The following OLFM1 variants were observed in gnomAD, a reference collection of about 807,000 sequenced individuals.
The protein encoded by OLFM1 is olfactomedin 1.
In OLFM1, 9 loss-of-function variants were observed where a neutral mutation model predicts 49.7. The observed-to-expected ratio is 0.18, with a 90% CI of 0.11 to 0.32. The LOEUF (loss-of-function observed/expected upper bound fraction) is 0.32. Ranked by LOEUF, OLFM1 falls within the 10% of genes least tolerant of loss-of-function variation. The probability of loss-of-function intolerance (pLI) is 1.00; values close to 1 mark genes in which losing one functional copy is unlikely to be tolerated. For missense variants in OLFM1, 369 were observed against 661.8 expected (o/e 0.56, Z 4.85); for synonymous variants, 240 against 271.8 (o/e 0.88, Z 1.15).
In OLFM1 at chr9:135,079,289, G is replaced by A. The variant is rs2119084118; in HGVS notation, c.96+3487G>A. ...AGGAGGATATTTGATCTGGGTCCAG[G>A]CTTGCACCTGGGTCCACTAGTGAGC... On this transcript the variant is annotated intron_variant, in intron 1 of 5. Coordinates refer to the OLFM1 transcript ENST00000252854. 2.0e-5 allele frequency among the ~76,000 whole-genome samples: 3 copies of A among 152,284 alleles called. 1 individual carries two copies. The South Asian group carries it at 6.2e-4, about 32-fold the overall frequency.
At chr9:135,077,181 G>A (rs754867358) in intron 1 of OLFM1, 2 of 1,541,718 alleles carry the variant, frequency 1.3e-6, no homozygotes, top group Non-Finnish European at 1.8e-6. Flanking sequence ...CACACACAGG[G>A]GAGCAGATAC....
At chr9:135,111,613 C>G (rs1831024372) in intron 5 of OLFM1, among the ~76,000 whole-genome samples, 1 of 152,172 alleles carries the variant, frequency 6.6e-6, no homozygotes, top group Non-Finnish European at 1.5e-5. Context: ...TGTGGGGTCC[C>G]TGTGGGTGGC....
At chr9:135,112,528 T>C (rs1831037224) in intron 5 of OLFM1, among the ~76,000 whole-genome samples, 2 of 152,182 alleles carry the variant, frequency 1.3e-5, no homozygotes, top group African/African-American at 4.8e-5. Flanking sequence ...TTGATGGAGC[T>C]TGGGGCCCAG....
At chr9:135,116,856 A>G (rs1032010104) in intron 5 of OLFM1, among the ~76,000 whole-genome samples, 1 of 151,284 alleles carries the variant, frequency 6.6e-6, no homozygotes, top group Non-Finnish European at 1.5e-5. Context: ...TAAGGATAAT[A>G]GCCTCAAATG....
intron 5 of OLFM1, among the ~76,000 whole-genome samples, chr9:135,112,779 T>C (rs1247631580): frequency 6.6e-6 from 1 of 152,140 alleles, no homozygotes; most frequent in African/African-American, 2.4e-5. Flanking sequence ...GCTTGCCTTC[T>C]GCAGGGGCAC....
chr9:135,098,513 C>A lies in OLFM1; in HGVS notation c.676+8C>A. 6.2e-7 allele frequency: 1 copy of A among 1,609,740 alleles called. No homozygotes were observed. Among genetic ancestry groups the A allele is most frequent in the Non-Finnish European group, 8.5e-7 (1 of 1,176,758 alleles). ...CATGCATGCAAAAACTAGGTAGGCC[C>A]AGTACCCTGCGGGACGTGGCGCTGC... On this transcript the variant is annotated splice_region_variant and intron_variant, in intron 4 of 5. Coordinates refer to ENST00000371793, the MANE Select transcript of OLFM1 (RefSeq NM_001282611.2). The surrounding 1 kb of genome is among the most constrained non-coding windows in gnomAD (Gnocchi z 5.6).
intron 1 of OLFM1, among the ~76,000 whole-genome samples, chr9:135,089,221 T>A (rs570300456): frequency 4.8e-4 from 73 of 152,350 alleles, no homozygotes; most frequent in Non-Finnish European, 9.0e-4. Flanking sequence ...CCGGTCCCGA[T>A]CTTCTGGGGT....
intron 4 of OLFM1, among the ~76,000 whole-genome samples, chr9:135,103,711 T>A (rs4842220): frequency 6.6e-6 from 1 of 152,016 alleles, no homozygotes; most frequent in East Asian, 1.9e-4. Flanking sequence ...CCACGTCCAC[T>A]TGGGCTCGCC....
At chr9:135,096,440 G>A (rs934702946) in intron 3 of OLFM1, among the ~76,000 whole-genome samples, 1 of 151,946 alleles carries the variant, frequency 6.6e-6, no homozygotes, top group Non-Finnish European at 1.5e-5. Context: ...GAGAAGCATA[G>A]CAAAGGTTGT....
intron 2 of OLFM1, among the ~76,000 whole-genome samples, chr9:135,092,791 A>C (rs1830734007): frequency 6.6e-6 from 1 of 152,184 alleles, no homozygotes; most frequent in African/African-American, 2.4e-5. Flanking sequence ...TTGATACCAT[A>C]GCGGGCACTC....
In OLFM1 at chr9:135,092,356, A is replaced by G. The variant is rs532126521; in HGVS notation, c.300+2012A>G. Among the ~76,000 whole-genome samples the G allele has an allele frequency of 3.3e-5, 5 of 152,336 alleles. No individual in the cohort carries two copies. The South Asian group carries it at 1.0e-3, about 32-fold the overall frequency. On this transcript the variant is annotated intron_variant, in intron 2 of 5. Coordinates refer to ENST00000371793, the MANE Select transcript of OLFM1 (RefSeq NM_001282611.2). ...GACCCTTGTTTCTTGGGCAAGAAGG[A>G]TGCATCATGGTACGCAGGGCAACTG...
chr9:135,118,406 C>T (rs534234805), intron 5 of OLFM1, among the ~76,000 whole-genome samples: 51 of 117,226 alleles, frequency 4.4e-4, no homozygotes, highest in South Asian at 3.0e-3. Context: ...TTGGAGTGCT[C>T]GCTGTGTCTT....
Position 135,088,203 on chromosome 9 carries a change from TC to T in OLFM1, c.150+66del. On this transcript the variant is annotated intron_variant, in intron 1 of 5. Coordinates refer to ENST00000371793, the MANE Select transcript of OLFM1 (RefSeq NM_001282611.2). The surrounding 1 kb of genome is among the most constrained non-coding windows in gnomAD (Gnocchi z 4.8). The stretch of plus-strand genomic sequence containing the variant: ...TCCTCCTCCTCCTCCCCCTCCTCGG[TC>T]CGGAGCCCCGGGCTGGGCGGGCGCC... 8.2e-7 allele frequency: 1 copy of T among 1,221,218 alleles called. No homozygotes were observed. Among genetic ancestry groups the T allele is most frequent in the Non-Finnish European group, 1.0e-6 (1 of 972,776 alleles). 75.6% of individuals were successfully genotyped at this position (1,221,218 alleles called of 1,614,324 possible). A position where few individuals can be genotyped will look rare whatever the true frequency, so the allele number is the denominator to read the frequency against.
Position 135,087,784 on chromosome 9 carries a change from G to A in OLFM1, c.-206G>A. ...GGGCGCGGCGGGCAGAGGCCACCTG[G>A]CCACCTTCCCTGGCGCCCGGGGAAG... On this transcript the variant is annotated 5_prime_UTR_variant, in exon 1 of 6. Coordinates refer to ENST00000371793, the MANE Select transcript of OLFM1 (RefSeq NM_001282611.2). 1 of 609,524 alleles carries A rather than the reference G, an allele frequency of 1.6e-6. No homozygotes were observed. Among genetic ancestry groups the A allele is most frequent in the Non-Finnish European group, 2.0e-6 (1 of 489,118 alleles). The allele number at this position is 609,524 out of a possible 1,614,324, so 37.8% of individuals were successfully genotyped here. A position where few individuals can be genotyped will look rare whatever the true frequency, so the allele number is the denominator to read the frequency against.
chr9:135,096,944 G>C (rs1830806964), intron 3 of OLFM1, among the ~76,000 whole-genome samples: 1 of 152,232 alleles, frequency 6.6e-6, no homozygotes, highest in Non-Finnish European at 1.5e-5. Context: ...GCCAGGTAGA[G>C]AGATGCCCAC....
intron 2 of OLFM1, among the ~76,000 whole-genome samples, chr9:135,094,440 A>G (rs1182714729): frequency 1.3e-5 from 2 of 152,154 alleles, no homozygotes; most frequent in African/African-American, 2.4e-5. Flanking sequence ...AATATAGACA[A>G]ACTTTACATC....
At position 135,087,798 on chromosome 9, in the gene OLFM1, C is replaced by A; in HGVS notation, c.-192C>A. 1.4e-6 allele frequency: 1 copy of A among 708,878 alleles called. No individual in the cohort carries two copies. The highest frequency in any genetic ancestry group is 1.7e-6 in the Non-Finnish European group (1 of 579,968). The allele number at this position is 708,878 out of a possible 1,614,324, so 43.9% of individuals were successfully genotyped here. A position where few individuals can be genotyped will look rare whatever the true frequency, so the allele number is the denominator to read the frequency against. Reference sequence around the variant, plus strand: ...GAGGCCACCTGGCCACCTTCCCTGGCGCCCGGGGAAGGCGCGGCGATGGCC... The same window carrying A: ...GAGGCCACCTGGCCACCTTCCCTGGAGCCCGGGGAAGGCGCGGCGATGGCC... On this transcript the variant is annotated 5_prime_UTR_variant, in exon 1 of 6. Transcript: ENST00000371793.
At chr9:135,075,572 C>T (rs1830451640) in exon 1 of OLFM1, 1 of 503,042 alleles carries the variant, frequency 2.0e-6, no homozygotes, top group Middle Eastern at 5.3e-4. Context: ...GCCCGCGCGC[C>T]GCCCGCTCCG....
chr9:135,100,063 C>T (rs1830850130), intron 4 of OLFM1, among the ~76,000 whole-genome samples: 2 of 152,184 alleles, frequency 1.3e-5, no homozygotes, highest in South Asian at 2.1e-4. Context: ...GGGTCTCCCT[C>T]GGCCTCCGAA....
Sources: allele counts gnomAD v4.1 joint callset (sites outside exome capture counted in the v4.1 genomes callset), GRCh38; gene constraint gnomAD v4.1.1; non-coding constraint Gnocchi (gnomAD v3.1); transcripts MANE v1.5; gene names NCBI Gene and HGNC (gene_info 2026-07-23, HGNC 2026-07-21).